FBRSL1: variants seen among roughly 807,000 people sequenced by gnomAD.
FBRSL1 encodes fibrosin-1-like protein.
FBRSL1 carries 51 observed loss-of-function variants against 89.6 expected under a neutral mutation model. The observed-to-expected ratio is 0.57, with a 90% CI of 0.45 to 0.72. The LOEUF (loss-of-function observed/expected upper bound fraction) is 0.72, where lower values mean the gene tolerates loss of function less well. FBRSL1 is among the 30% of genes least tolerant of loss of function. The pLI, the probability that FBRSL1 is intolerant of heterozygous loss-of-function variation, is 0.00. For missense variants in FBRSL1, 1,618 were observed against 1,451.8 expected (o/e 1.11, Z -1.86); for synonymous variants, 779 against 681.1 (o/e 1.14, Z -2.24).
At chr12:132,530,997 G>T (rs1029411648) in intron 4 of FBRSL1, among the ~76,000 whole-genome samples, 2 of 148,932 alleles carry the variant, frequency 1.3e-5, no homozygotes, top group Non-Finnish European at 3.0e-5. Flanking sequence ...TCCAGTGTGG[G>T]GGGGGGGGTG....
intron 1 of FBRSL1, among the ~76,000 whole-genome samples, chr12:132,493,635 G>C (rs565261561): frequency 5.8e-4 from 89 of 152,296 alleles, no homozygotes; most frequent in Admixed American, 2.9e-3. Context: ...TTGTGCCCCC[G>C]GCAGGTCCCT....
intron 1 of FBRSL1, among the ~76,000 whole-genome samples, chr12:132,504,753 C>T (rs1455832473): frequency 1.3e-5 from 2 of 152,302 alleles, no homozygotes; most frequent in African/African-American, 2.4e-5. Flanking sequence ...CTTTCCAGGC[C>T]TCTCTGTGTC....
At chr12:132,537,340 G>A (rs925969839) in intron 4 of FBRSL1, among the ~76,000 whole-genome samples, 7 of 152,102 alleles carry the variant, frequency 4.6e-5, no homozygotes, top group Admixed American at 6.5e-5. Flanking sequence ...TGAGGTGGGT[G>A]CTTTCCCCAC....
intron 4 of FBRSL1, 26 bp downstream of exon 4, chr12:132,528,014 A>C (rs1469761181): frequency 1.3e-6 from 2 of 1,549,856 alleles, no homozygotes; most frequent in Non-Finnish European, 1.7e-6. Flanking sequence ...CCCCTCCTCC[A>C]TCTTTGTCCC....
In FBRSL1 at chr12:132,534,884, G is replaced by A. The variant is rs775581388; in HGVS notation, c.615+6896G>A. Among the ~76,000 whole-genome samples the A allele has an allele frequency of 2.6e-5, 4 of 152,226 alleles. No homozygotes were observed. In the East Asian group the frequency reaches 5.8e-4, roughly 22 times the overall value. ...GAGGGGTTGGACCCTGGCCTGGAGG[G>A]GCCTCATGAGTGCCGCCTTTCACCC... On this transcript the variant is annotated intron_variant, in intron 4 of 18. Coordinates refer to ENST00000680143, the MANE Select transcript of FBRSL1 (RefSeq NM_001367871.1).
At chr12:132,496,077 C>G (rs1045511301) in intron 1 of FBRSL1, among the ~76,000 whole-genome samples, 1 of 152,374 alleles carries the variant, frequency 6.6e-6, no homozygotes. Flanking sequence ...GCCGTGGCTA[C>G]GCCGCGTGCC....
At chr12:132,500,964 C>T (rs2136430833) in intron 1 of FBRSL1, among the ~76,000 whole-genome samples, 1 of 152,366 alleles carries the variant, frequency 6.6e-6, no homozygotes, top group Admixed American at 6.5e-5. Context: ...TCGCCTGCCC[C>T]TCACACCCTG....
chr12:132,521,328 T>C (rs994437198), intron 2 of FBRSL1, among the ~76,000 whole-genome samples: 1 of 152,208 alleles, frequency 6.6e-6, no homozygotes, highest in African/African-American at 2.4e-5. Flanking sequence ...CGCCTCTGCA[T>C]ACCTGTGCTC....
intron 11 of FBRSL1, among the ~76,000 whole-genome samples, chr12:132,573,306 C>A (rs538565659): frequency 5.3e-5 from 8 of 152,358 alleles, no homozygotes; most frequent in Non-Finnish European, 1.2e-4. Context: ...TTGCCCACAG[C>A]TGCCCTGAAG....
At chr12:132,510,614 T>C (rs2034223487) in intron 2 of FBRSL1, 2 of 1,230,690 alleles carry the variant, frequency 1.6e-6, no homozygotes, top group Non-Finnish European at 2.0e-6. Flanking sequence ...CGTTGGAAAT[T>C]GAGGCTCGGC....
intron 3 of FBRSL1, 71 bp from the exon 4 acceptor site, chr12:132,527,882 C>T: frequency 7.0e-7 from 1 of 1,437,658 alleles, no homozygotes; most frequent in South Asian, 1.2e-5. Context: ...TGCAGGGCAG[C>T]TGTCGGGTGC....
intron 4 of FBRSL1, among the ~76,000 whole-genome samples, chr12:132,542,729 G>T (rs1438089879): frequency 6.6e-6 from 1 of 152,232 alleles, no homozygotes; most frequent in Non-Finnish European, 1.5e-5. Flanking sequence ...ACCCTGCCTG[G>T]TCGGGGCCAG....
At position 132,557,086 on chromosome 12, in the gene FBRSL1, T is replaced by C. The variant is rs544342292; in HGVS notation, c.645+9054T>C. 4.1e-3 allele frequency among the ~76,000 whole-genome samples: 617 copies of C among 152,324 alleles called. 3 individuals are homozygous for C. Among genetic ancestry groups the C allele is most frequent in the Non-Finnish European group, 6.1e-3 (415 of 68,022 alleles). On this transcript the variant is annotated intron_variant, in intron 5 of 18. Coordinates refer to ENST00000680143, the MANE Select transcript of FBRSL1 (RefSeq NM_001367871.1). ...TGGGGCAGCATGGCTGAGAGGACCC[T>C]GTGTGCTCTGCACTCCTGGTTAATG...
intron 5 of FBRSL1, chr12:132,554,063 T>A (rs2038414733): frequency 6.6e-6 from 1 of 152,254 alleles, no homozygotes; most frequent in African/African-American, 2.4e-5. Flanking sequence ...AGATTTAGGA[T>A]GCACTGGAAG....
At chr12:132,557,437 C>T (rs1048216207) in intron 5 of FBRSL1, among the ~76,000 whole-genome samples, 1 of 152,214 alleles carries the variant, frequency 6.6e-6, no homozygotes, top group African/African-American at 2.4e-5. Context: ...CAGACCTGCC[C>T]CTGGTTCTGA....
At chr12:132,534,940 A>G (rs966268672) in intron 4 of FBRSL1, among the ~76,000 whole-genome samples, 1 of 152,202 alleles carries the variant, frequency 6.6e-6, no homozygotes, top group Non-Finnish European at 1.5e-5. Flanking sequence ...GCTCCCAGGT[A>G]TGGGGGCCAC....
chr12:132,528,198 G>A lies in FBRSL1; in HGVS notation c.615+210G>A, dbSNP rs900774495. ...GAGTGAAGATTTGGGGGTGCGTCCT[G>A]CTCACGGTTTGCCAGGGGGCCCCCA... On this transcript the variant is annotated intron_variant, in intron 4 of 18. Coordinates refer to ENST00000680143, the MANE Select transcript of FBRSL1 (RefSeq NM_001367871.1). Among the ~76,000 whole-genome samples, 6 of 152,160 alleles carry A rather than the reference G, an allele frequency of 3.9e-5. 1 individual carries two copies. The highest frequency in any genetic ancestry group is 3.9e-4 in the Admixed American group (6 of 15,288).
intron 1 of FBRSL1, among the ~76,000 whole-genome samples, chr12:132,494,875 A>G (rs2031733461): frequency 6.6e-6 from 1 of 152,182 alleles, no homozygotes. Context: ...GTGCTTCCAC[A>G]TTCTCTGCTC....
At chr12:132,555,822 C>A (rs898584801) in intron 5 of FBRSL1, among the ~76,000 whole-genome samples, 2 of 152,200 alleles carry the variant, frequency 1.3e-5, no homozygotes, top group Admixed American at 6.5e-5. Context: ...CCTGGGAGGG[C>A]CCCATCTGAG....
Sources: gnomAD v4.1 joint callset for allele counts (sites outside exome capture counted in the v4.1 genomes callset) on GRCh38, gnomAD v4.1.1 for gene constraint, MANE v1.5 for transcripts, NCBI Gene and HGNC (gene_info 2026-07-23, HGNC 2026-07-21) for gene names.